The following CTNNA3 variants were observed in gnomAD, a reference collection of about 807,000 sequenced individuals.
CTNNA3 encodes catenin alpha-3.
A neutral mutation model predicts 95.7 loss-of-function variants in CTNNA3; 76 were observed. The observed-to-expected ratio is 0.79, with a 90% CI of 0.66 to 0.96. The LOEUF (loss-of-function observed/expected upper bound fraction) is 0.96. CTNNA3 is among the 40% of genes least tolerant of loss of function. The pLI, the probability that CTNNA3 is intolerant of heterozygous loss-of-function variation, is 0.00. For synonymous variants in CTNNA3, 431 were observed against 374.4 expected (o/e 1.15, Z -1.74); for missense variants, 1,191 against 1,089.8 (o/e 1.09, Z -1.31).
intron 7 of CTNNA3, among the ~76,000 whole-genome samples, chr10:66,955,263 T>C (rs975626056): frequency 6.6e-6 from 1 of 152,030 alleles, no homozygotes; most frequent in African/African-American, 2.4e-5. Flanking sequence ...CAATAGAGAA[T>C]AGGAAGAAAA....
chr10:66,127,858 C>T (rs571027454), intron 13 of CTNNA3, among the ~76,000 whole-genome samples: 4 of 152,178 alleles, frequency 2.6e-5, no homozygotes, highest in South Asian at 2.1e-4. Context: ...GGGCGAATCA[C>T]GAGGTCAGGA....
At chr10:66,016,088 T>A (rs1793060645) in intron 15 of CTNNA3, among the ~76,000 whole-genome samples, 1 of 152,190 alleles carries the variant, frequency 6.6e-6, no homozygotes, top group African/African-American at 2.4e-5. Flanking sequence ...TCAGATAGTA[T>A]CAGAGCTAGA....
intron 9 of CTNNA3, among the ~76,000 whole-genome samples, chr10:66,729,204 C>T (rs193175880): frequency 1.1e-4 from 17 of 152,302 alleles, no homozygotes; most frequent in African/African-American, 4.1e-4. Context: ...TGAAAAACAG[C>T]TCAACATCAC....
At position 65,953,672 on chromosome 10, in the gene CTNNA3, G is replaced by C. The variant is rs1451039430; in HGVS notation, c.2400+12940C>G. 2.0e-5 allele frequency among the ~76,000 whole-genome samples: 3 copies of C among 152,246 alleles called. No individual in the cohort carries two copies. The East Asian group carries it at 5.8e-4, about 29-fold the overall frequency. ...GTCCTTGTGTTAGTTTGCTCAGAAT[G>C]ATAGTTGCAAGCTTCATCCATGTCC... On this transcript the variant is annotated intron_variant, in intron 17 of 17. Coordinates refer to ENST00000433211, the MANE Select transcript of CTNNA3 (RefSeq NM_013266.4).
chr10:66,615,849 G>T lies in CTNNA3; in HGVS notation c.1374+5843C>A, dbSNP rs144047219. Among the ~76,000 whole-genome samples the T allele has an allele frequency of 5.3e-4, 81 of 152,050 alleles. 1 individual carries two copies. The highest frequency in any genetic ancestry group is 1.9e-3 in the African/African-American group (79 of 41,530). On this transcript the variant is annotated intron_variant, in intron 10 of 17. Transcript: ENST00000433211. ...TGTGCAATCGTTTCACTATATGCTC[G>T]TGCAATAGGTTGTATTTAAGCTAAG...
chr10:66,722,377 CAAAAAA>C (rs34164580), intron 9 of CTNNA3, among the ~76,000 whole-genome samples: 2 of 137,354 alleles, frequency 1.5e-5, no homozygotes, highest in Non-Finnish European at 3.2e-5. Flanking sequence ...GACCCTGTCT[CAAAAAA>C]AAAAAAAAAT....
intron 7 of CTNNA3, among the ~76,000 whole-genome samples, chr10:66,854,254 A>G (rs1421526257): frequency 6.6e-6 from 1 of 152,038 alleles, no homozygotes; most frequent in African/African-American, 2.4e-5. Flanking sequence ...TACATGTGCA[A>G]TTGAGTTCTT....
At chr10:67,751,181 C>A in intron 1 of CTNNA3, 1 of 1,269,340 alleles carries the variant, frequency 7.9e-7, no homozygotes, top group Non-Finnish European at 1.2e-6. Context: ...GGGCCCGTAA[C>A]ATGTTGCAAT....
At chr10:66,977,545 C>A (rs1850120357) in intron 7 of CTNNA3, among the ~76,000 whole-genome samples, 1 of 152,034 alleles carries the variant, frequency 6.6e-6, no homozygotes, top group South Asian at 2.1e-4. Context: ...ACAGAAGGAA[C>A]AATTTTCTAT....
At chr10:67,626,378 T>C (rs781447290) in intron 2 of CTNNA3, among the ~76,000 whole-genome samples, 14 of 152,182 alleles carry the variant, frequency 9.2e-5, no homozygotes, top group Non-Finnish European at 1.8e-4. Flanking sequence ...TGCTTCTTTG[T>C]ACCTCTTTGG....
chr10:67,121,546 TA>T (rs1859462372), intron 7 of CTNNA3, among the ~76,000 whole-genome samples: 2 of 152,034 alleles, frequency 1.3e-5, no homozygotes, highest in African/African-American at 4.8e-5. Context: ...GGCTGCAAGA[TA>T]AACTACTTTA....
chr10:66,017,618 G>A (rs1419072785), intron 15 of CTNNA3, among the ~76,000 whole-genome samples: 2 of 152,096 alleles, frequency 1.3e-5, no homozygotes, highest in Non-Finnish European at 2.9e-5. Context: ...ATTAGGACAA[G>A]TGGCTTCCAG....
chr10:66,391,249 C>T (rs999455639), intron 11 of CTNNA3, among the ~76,000 whole-genome samples: 15 of 151,630 alleles, frequency 9.9e-5, no homozygotes, highest in African/African-American at 3.6e-4. Flanking sequence ...AGCCAATTAT[C>T]AACAATACTT....
In CTNNA3 at chr10:66,927,193, G is replaced by T; in HGVS notation, c.1048-151669C>A. 1 of 1,614,110 alleles carries T rather than the reference G, an allele frequency of 6.2e-7. No individual in the cohort carries two copies. Among genetic ancestry groups the T allele is most frequent in the Non-Finnish European group, 8.5e-7 (1 of 1,180,034 alleles). On this transcript the variant is annotated intron_variant, in intron 7 of 17. Coordinates refer to ENST00000433211, the MANE Select transcript of CTNNA3 (RefSeq NM_013266.4). This position sits in a 1 kb window ranked among gnomAD's most constrained non-coding sequence, Gnocchi z 4.7. ...CAACCAGCTCACCTGGCTATACCTT[G>T]ACCATAACCATATCAGCAATATTGA...
chr10:66,061,098 T>C (rs1331516621), intron 15 of CTNNA3, among the ~76,000 whole-genome samples: 8 of 152,136 alleles, frequency 5.3e-5, no homozygotes, highest in African/African-American at 1.9e-4. Context: ...GTTAACAATG[T>C]AACACAGTTT....
intron 7 of CTNNA3, among the ~76,000 whole-genome samples, chr10:66,783,676 C>G (rs184264069): frequency 6.6e-6 from 1 of 152,136 alleles, no homozygotes; most frequent in Admixed American, 6.6e-5. Flanking sequence ...TATTCAGAAC[C>G]ACTACCAGAG....
chr10:66,423,861 C>G (rs1014250036), intron 11 of CTNNA3, among the ~76,000 whole-genome samples: 1 of 152,094 alleles, frequency 6.6e-6, no homozygotes, highest in East Asian at 1.9e-4. Context: ...TGTTTCTTTC[C>G]TCTTTCTTTA....
chr10:66,508,078 A>G (rs938236929), intron 11 of CTNNA3, among the ~76,000 whole-genome samples: 1 of 151,946 alleles, frequency 6.6e-6, no homozygotes, highest in Non-Finnish European at 1.5e-5. Flanking sequence ...TGTTTCTTAA[A>G]TAACTAATAA....
chr10:66,452,175 T>A (rs1249609449), intron 11 of CTNNA3, among the ~76,000 whole-genome samples: 15 of 152,232 alleles, frequency 9.9e-5, no homozygotes, highest in African/African-American at 2.4e-5. Context: ...TTCAGTAGCA[T>A]TGAGAAATTT....
Sources: allele counts gnomAD v4.1 joint callset (sites outside exome capture counted in the v4.1 genomes callset), GRCh38; gene constraint gnomAD v4.1.1; non-coding constraint Gnocchi (gnomAD v3.1); transcripts MANE v1.5; gene names NCBI Gene and HGNC (gene_info 2026-07-23, HGNC 2026-07-21).